CAST: variants seen among roughly 807,000 people sequenced by gnomAD.
CAST encodes the protein calpastatin, also known as MIR583 host.
A neutral mutation model predicts 119.6 loss-of-function variants in CAST; 76 were observed. The observed-to-expected ratio is 0.64, with a 90% confidence interval of 0.53 to 0.77. The LOEUF (loss-of-function observed/expected upper bound fraction) is 0.77. Among genes scored for constraint, CAST ranks in the 30% least tolerant of loss-of-function variants. The probability of loss-of-function intolerance (pLI) is 0.00; values close to 1 mark genes in which losing one functional copy is unlikely to be tolerated. For missense variants in CAST, 953 were observed against 946.5 expected (o/e 1.01, Z -0.09); for synonymous variants, 319 against 331.6 (o/e 0.96, Z 0.41).
upstream of CAST, among the ~76,000 whole-genome samples, chr5:96,657,947 A>T (rs976233356): frequency 1.3e-5 from 2 of 152,140 alleles, no homozygotes; most frequent in African/African-American, 4.8e-5. Context: ...AAATACAAAA[A>T]TTAGATGACC....
the CAST span, among the ~76,000 whole-genome samples, chr5:96,030,147 A>G: frequency 6.6e-6 from 1 of 152,100 alleles, no homozygotes; most frequent in African/African-American, 2.4e-5. Flanking sequence ...CCATCAACAC[A>G]CTATTTAGAC....
At chr5:96,132,044 A>C in the CAST span, among the ~76,000 whole-genome samples, 1 of 152,146 alleles carries the variant, frequency 6.6e-6, no homozygotes, top group South Asian at 2.1e-4. Flanking sequence ...TACACACAAC[A>C]TAGTCAAAGC....
the CAST span, among the ~76,000 whole-genome samples, chr5:96,027,144 G>A: frequency 6.6e-6 from 1 of 152,020 alleles, no homozygotes; most frequent in Non-Finnish European, 1.5e-5. Context: ...TCATGCTACT[G>A]TACTCCACAG....
chr5:96,255,192 G>C, the CAST span, among the ~76,000 whole-genome samples: 1 of 152,122 alleles, frequency 6.6e-6, no homozygotes, highest in African/African-American at 2.4e-5. Flanking sequence ...CTCCAGCCAG[G>C]GCTGTTGGGT....
chr5:96,346,556 C>T, the CAST span, among the ~76,000 whole-genome samples: 1 of 152,062 alleles, frequency 6.6e-6, no homozygotes, highest in Non-Finnish European at 1.5e-5. Context: ...CTCCTGGATT[C>T]GTATATTCTA....
chr5:96,482,452 G>A, the CAST span, among the ~76,000 whole-genome samples: 1 of 151,468 alleles, frequency 6.6e-6, no homozygotes, highest in Non-Finnish European at 1.5e-5. Context: ...TATTCCTCCA[G>A]GTCTCTTAGA....
chr5:95,975,717 A>T, the CAST span, among the ~76,000 whole-genome samples: 1 of 152,320 alleles, frequency 6.6e-6, no homozygotes, highest in South Asian at 2.1e-4. Flanking sequence ...AGAAGTTATT[A>T]GTTACACAAT....
the CAST span, among the ~76,000 whole-genome samples, chr5:96,345,998 G>A: frequency 6.6e-6 from 1 of 152,170 alleles, no homozygotes; most frequent in African/African-American, 2.4e-5. Flanking sequence ...AACATCAGAA[G>A]GCAGGGATCA....
At chr5:96,692,030 A>G (rs1429405538) in intron 2 of CAST, among the ~76,000 whole-genome samples, 6 of 152,238 alleles carry the variant, frequency 3.9e-5, no homozygotes. Context: ...TATACAAAAA[A>G]GTATGCAACT....
the CAST span, among the ~76,000 whole-genome samples, chr5:96,053,794 C>A: frequency 6.6e-6 from 1 of 152,184 alleles, no homozygotes; most frequent in Admixed American, 6.5e-5. Flanking sequence ...TTCTGGGAAT[C>A]ATTTACCTAC....
At chr5:96,558,080 C>T (rs1746280334) in intron 1 of CAST, among the ~76,000 whole-genome samples, 2 of 152,316 alleles carry the variant, frequency 1.3e-5, no homozygotes, top group South Asian at 4.1e-4. Context: ...TACATGGAAA[C>T]TGAACAACCT....
chr5:96,466,069 C>T, the CAST span, among the ~76,000 whole-genome samples: 1 of 152,056 alleles, frequency 6.6e-6, no homozygotes, highest in Admixed American at 6.6e-5. Context: ...AATATACTTA[C>T]TTGTTTTCTC....
intron 3 of CAST, among the ~76,000 whole-genome samples, chr5:96,698,754 C>T (rs972558584): frequency 2.6e-5 from 4 of 152,052 alleles, no homozygotes; most frequent in East Asian, 3.8e-4. Flanking sequence ...TCTGAAAAGG[C>T]GTGACAGAGT....
chr5:96,006,820 A>C, the CAST span, among the ~76,000 whole-genome samples: 60 of 152,144 alleles, frequency 3.9e-4, no homozygotes, highest in Non-Finnish European at 1.0e-4. Context: ...CTTTCTATAC[A>C]TTTCAAATTC....
chr5:96,078,888 G>C, the CAST span, among the ~76,000 whole-genome samples: 1 of 152,090 alleles, frequency 6.6e-6, no homozygotes, highest in Non-Finnish European at 1.5e-5. Flanking sequence ...TGAATGATGA[G>C]AACATAGGGA....
chr5:96,392,275 G>C, the CAST span: 17 of 152,182 alleles, frequency 1.1e-4, no homozygotes, highest in African/African-American at 4.1e-4. Flanking sequence ...AGGAGAAACA[G>C]AGGAAAGACC....
At chr5:95,987,184 C>T in the CAST span, among the ~76,000 whole-genome samples, 1 of 152,164 alleles carries the variant, frequency 6.6e-6, no homozygotes, top group Non-Finnish European at 1.5e-5. Flanking sequence ...GCCCCAGTCT[C>T]AGCTCTAATA....
intron 2 of CAST, among the ~76,000 whole-genome samples, chr5:96,684,484 C>T (rs1486660214): frequency 6.6e-6 from 1 of 152,010 alleles, no homozygotes; most frequent in African/African-American, 2.4e-5. Flanking sequence ...ACTTTAGTAG[C>T]ACTTTTGTTG....
At position 96,616,725 on chromosome 5, in the gene CAST, G is replaced by GCTCTCTCTCT. The variant is rs1482470800; in HGVS notation, c.61-58811_61-58810insTCTCTCTCTC. On this transcript the variant is annotated intron_variant, in intron 1 of 11. Transcript: ENST00000505143. ...GTGGCCTCTTAGACACCAAGCGCTC[G>GCTCTCTCTCT]CTCGCTCTCTCTCTCTCTCTATATA... 2.6e-4 allele frequency among the ~76,000 whole-genome samples: 36 copies of GCTCTCTCTCT among 138,348 alleles called. 1 individual carries two copies. The highest frequency in any genetic ancestry group is 8.0e-4 in the African/African-American group (28 of 35,122). The allele number at this position is 138,348 out of a possible 152,430, so 90.8% of individuals were successfully genotyped here.
Sources: allele counts gnomAD v4.1 joint callset (sites outside exome capture counted in the v4.1 genomes callset), GRCh38; gene constraint gnomAD v4.1.1; transcripts MANE v1.5; gene names NCBI Gene and HGNC (gene_info 2026-07-23, HGNC 2026-07-21).